Variants in CENPX observed in about 807,000 individuals in gnomAD.
CENPX encodes the protein FANCM associated histone fold protein 2.
CENPX carries 13 observed loss-of-function variants against 13.2 expected under a neutral mutation model. The observed-to-expected ratio is 0.98, with a 90% confidence interval of 0.64 to 1.56. The LOEUF is 1.56. Among genes scored for constraint, CENPX ranks in the 40% most tolerant of loss-of-function variants. CENPX has a pLI of 0.00. For missense variants in CENPX, 138 were observed against 107.5 expected (o/e 1.28, Z -1.26); for synonymous variants, 66 against 47.2 (o/e 1.40, Z -1.63).
At chr17:82,022,375 G>T (rs2043303470) in intron 1 of CENPX, among the ~76,000 whole-genome samples, 1 of 152,174 alleles carries the variant, frequency 6.6e-6, no homozygotes, top group African/African-American at 2.4e-5. Context: ...GGCGCCCACC[G>T]GGGAGCAAAC....
rs533861165 is a variant in CENPX at position 82,022,401 on chromosome 17, G to A, written c.36+425C>T. ...GGGAGCAAACAAAAGGGAAACCACTGTGCCTGGCGGCTGGGGTAGGTCCTG... is the reference window on the plus strand; with the variant it reads ...GGGAGCAAACAAAAGGGAAACCACTATGCCTGGCGGCTGGGGTAGGTCCTG... On this transcript the variant is annotated intron_variant, in intron 1 of 4. Coordinates refer to ENST00000392359, the MANE Select transcript of CENPX (RefSeq NM_001271006.2). Among the ~76,000 whole-genome samples, 867 of 152,278 alleles carry A rather than the reference G, an allele frequency of 5.7e-3. 9 individuals are homozygous for A. The highest frequency in any genetic ancestry group is 6.4e-3 in the Non-Finnish European group (438 of 68,016).
At position 82,019,834 on chromosome 17, in the gene CENPX, TCCCGCCCGC is replaced by T; in HGVS notation, c.88+15_88+23del. ...CTGAGGACAGACACGGGGACCCACC[TCCCGCCCGC>T]ACCCCCACCCGCACCTTTGGTCTTG... On this transcript the variant is annotated intron_variant, in intron 2 of 4. Transcript: ENST00000392359. 8.3e-7 allele frequency: 1 copy of T among 1,207,730 alleles called. No homozygotes were observed. Among genetic ancestry groups the T allele is most frequent in the Non-Finnish European group, 1.2e-6 (1 of 839,108 alleles). The allele number at this position is 1,207,730 out of a possible 1,614,324, so 74.8% of individuals were successfully genotyped here.
chr17:82,022,071 T>C (rs1360093902), intron 1 of CENPX, among the ~76,000 whole-genome samples: 1 of 152,150 alleles, frequency 6.6e-6, no homozygotes, highest in African/African-American at 2.4e-5. Flanking sequence ...GGAAGCTCGG[T>C]GCCCCAACCT....
At position 82,019,368 on chromosome 17, in the gene CENPX, G is replaced by A. The variant is rs17850521; in HGVS notation, c.156C>T (p.Arg52=). The change falls in exon 4 of 5, where the codon CGC becomes CGT. Residue 52 remains arginine, a synonymous_variant. Coordinates refer to ENST00000392359, the MANE Select transcript of CENPX (RefSeq NM_001271006.2). ...LKVFVVEAAV[R]GVRQAQAEDA... ...CTTCTGCCTGGGCCTGCCGCACGCC[G>A]CGGACTGCTGCTTCTGCGGTGAGAA... 4.6e-5 allele frequency: 71 copies of A among 1,554,756 alleles called. No homozygotes were observed. Among genetic ancestry groups the A allele is most frequent in the Non-Finnish European group, 5.6e-5 (64 of 1,151,958 alleles).
At chr17:82,022,646 G>C in intron 1 of CENPX, 180 bp downstream of exon 1, 1 of 691,562 alleles carries the variant, frequency 1.4e-6, no homozygotes, top group East Asian at 3.1e-5. Flanking sequence ...TACCAGCTGC[G>C]AGACACCAGC....
chr17:82,021,606 C>T lies in CENPX; in HGVS notation c.36+1220G>A, dbSNP rs534775822. Among the ~76,000 whole-genome samples the T allele has an allele frequency of 6.6e-5, 10 of 152,336 alleles. No homozygotes were observed. The East Asian group carries it at 1.2e-3, about 18-fold the overall frequency. On this transcript the variant is annotated intron_variant, in intron 1 of 4. Coordinates refer to ENST00000392359, the MANE Select transcript of CENPX (RefSeq NM_001271006.2). Reference sequence around the variant, plus strand: ...TGACGTGGGCGCCACGCCAGGGCTACGGGCCCCCCACTCCCCGTCATTCTC... The same window carrying T: ...TGACGTGGGCGCCACGCCAGGGCTATGGGCCCCCCACTCCCCGTCATTCTC...
intron 3 of CENPX, 42 bp downstream of exon 3, chr17:82,019,599 T>C (rs1373203010): frequency 1.3e-6 from 2 of 1,549,804 alleles, no homozygotes; most frequent in Non-Finnish European, 1.7e-6. Context: ...AACGCAAAAT[T>C]CCGGATGCTG....
chr17:82,020,670 G>A (rs1167565767), intron 1 of CENPX, among the ~76,000 whole-genome samples: 1 of 152,120 alleles, frequency 6.6e-6, no homozygotes, highest in Non-Finnish European at 1.5e-5. Flanking sequence ...CGGGGTGGGG[G>A]GAAGGGAGGG....
chr17:82,021,787 C>T (rs542957463), intron 1 of CENPX, among the ~76,000 whole-genome samples: 23 of 152,352 alleles, frequency 1.5e-4, no homozygotes, highest in African/African-American at 5.3e-4. Flanking sequence ...ACCTGGTGTT[C>T]TCACAACCAC....
At chr17:82,020,694 G>A (rs1159387985) in intron 1 of CENPX, among the ~76,000 whole-genome samples, 1 of 152,228 alleles carries the variant, frequency 6.6e-6, no homozygotes, top group Non-Finnish European at 1.5e-5. Flanking sequence ...TGCAGAGCCA[G>A]GGCCTTTCTG....
Position 82,019,662 on chromosome 17 carries a change from A to G in CENPX, c.121T>C (p.Leu41=). 1 of 1,550,094 alleles carries G rather than the reference A, an allele frequency of 6.5e-7. No homozygotes were observed. Among genetic ancestry groups the G allele is most frequent in the Non-Finnish European group, 8.7e-7 (1 of 1,146,908 alleles). The change falls in exon 3 of 5, where the codon TTG becomes CTG. Residue 41 remains leucine (L), a synonymous_variant. Transcript: ENST00000392359. ...TCACCCACAACGAAGACCTTCAGCA[A>G]CTCCACCATGAGCTGCAGCGCGTCC... ...SGDALQLMVE[L]LKVFVVEAAV...
At chr17:82,019,260 C>G (rs1381585664) in intron 4 of CENPX, 33 bp downstream of exon 4, 2 of 1,596,976 alleles carry the variant, frequency 1.3e-6, no homozygotes, top group African/African-American at 2.7e-5. Flanking sequence ...CAGCCGGGCA[C>G]CCCCACTTGC....
chr17:82,020,333 CTGGAGGT>C (rs1298640491), intron 1 of CENPX, among the ~76,000 whole-genome samples: 7 of 152,232 alleles, frequency 4.6e-5, no homozygotes, highest in African/African-American at 1.7e-4. Context: ...GGTCTGGAGG[CTGGAGGT>C]GGCTGCTCTG....
chr17:82,019,255 G>A (rs371989471), intron 4 of CENPX, 36 bp from the exon 5 acceptor site: 15 of 1,596,550 alleles, frequency 9.4e-6, no homozygotes, highest in African/African-American at 5.4e-5. Context: ...CCAGCCAGCC[G>A]GGCACCCCCA....
intron 1 of CENPX, among the ~76,000 whole-genome samples, chr17:82,021,119 C>A (rs1188711009): frequency 2.6e-5 from 4 of 152,232 alleles, no homozygotes; most frequent in Non-Finnish European, 2.9e-5. Context: ...GGTCACAGCA[C>A]CTCACCCAGA....
intron 1 of CENPX, among the ~76,000 whole-genome samples, chr17:82,020,316 C>T (rs959210767): frequency 3.3e-5 from 5 of 152,210 alleles, no homozygotes; most frequent in Non-Finnish European, 7.3e-5. Flanking sequence ...AGGCAGAGCC[C>T]GGGTTGGGTC....
intron 1 of CENPX, among the ~76,000 whole-genome samples, chr17:82,022,269 C>T (rs2043301293): frequency 6.6e-6 from 1 of 152,256 alleles, no homozygotes; most frequent in African/African-American, 2.4e-5. Flanking sequence ...TTAACGCCCC[C>T]GTGCCTCAGT....
chr17:82,019,202 TC>T lies in CENPX; in HGVS notation c.*2del. 6.4e-7 allele frequency: 1 copy of T among 1,573,048 alleles called. No homozygotes were observed. The highest frequency in any genetic ancestry group is 1.1e-5 in the South Asian group (1 of 87,152). On this transcript the variant is annotated 3_prime_UTR_variant, in exon 5 of 5. Transcript: ENST00000392359. ...GGGGTGGCCTCAGCCACGGCTGAGA[TC>T]CCTAGAAGTCCAGGAGCTGTGGGGA... is the stretch of plus-strand genomic sequence containing the variant.
intron 1 of CENPX, among the ~76,000 whole-genome samples, chr17:82,021,873 T>A (rs1299463715): frequency 6.6e-6 from 1 of 151,688 alleles, no homozygotes; most frequent in Admixed American, 6.6e-5. Context: ...ACCACCAGAG[T>A]TCCCCACACC....
Sources: gnomAD v4.1 joint callset for allele counts (sites outside exome capture counted in the v4.1 genomes callset) on GRCh38, gnomAD v4.1.1 for gene constraint, MANE v1.5 for transcripts, NCBI Gene and HGNC (gene_info 2026-07-23, HGNC 2026-07-21) for gene names.